Variants in MYH8 observed in about 807,000 individuals in gnomAD.
MYH8 encodes myosin heavy chain 8, also known as myosin-8.
A neutral mutation model predicts 233.2 loss-of-function variants in MYH8; 168 were observed. The ratio of observed to expected loss-of-function variants is 0.72; its 90% CI spans 0.64 to 0.82. The LOEUF is 0.82. Among genes scored for constraint, MYH8 ranks in the 40% least tolerant of loss-of-function variants. The pLI, the probability that MYH8 is intolerant of heterozygous loss-of-function variation, is 0.00. For missense variants in MYH8, 1,995 were observed against 2,327.8 expected (o/e 0.86, Z 2.94); for synonymous variants, 785 against 850.6 (o/e 0.92, Z 1.34).
chr17:10,392,285 CCAAACTAGGA>C (rs766452408), intron 38 of MYH8, among the ~76,000 whole-genome samples: 102 of 149,852 alleles, frequency 6.8e-4, no homozygotes, highest in Non-Finnish European at 1.1e-3. Context: ...GCAAGAGAGG[CCAAACTAGGA>C]CTAATACCCA....
At chr17:10,398,990 G>T in intron 28 of MYH8, 104 bp from the exon 29 acceptor site, 1 of 481,926 alleles carries the variant, frequency 2.1e-6, no homozygotes, top group Non-Finnish European at 3.5e-6. Flanking sequence ...ATATATGTGT[G>T]TGTGTATATA....
At chr17:10,398,663 A>G in intron 29 of MYH8, 23 bp from the exon 30 acceptor site, 3 of 1,614,204 alleles carry the variant, frequency 1.9e-6, no homozygotes, top group Non-Finnish European at 2.5e-6. Flanking sequence ...CAGTTCAGTG[A>G]CATAAATTCA....
intron 30 of MYH8, among the ~76,000 whole-genome samples, 181 bp from the exon 31 acceptor site, chr17:10,397,167 C>T (rs991695339): frequency 6.6e-6 from 1 of 152,170 alleles, no homozygotes; most frequent in African/African-American, 2.4e-5. Flanking sequence ...ACTGCGACCT[C>T]CCGGGTTCAA....
At chr17:10,403,799 A>AT (rs974281976) in intron 22 of MYH8, among the ~76,000 whole-genome samples, 1 of 152,150 alleles carries the variant, frequency 6.6e-6, no homozygotes, top group Non-Finnish European at 1.5e-5. Context: ...TCCTGCACCA[A>AT]TAAACAGACT....
At chr17:10,413,752 G>T in intron 12 of MYH8, 150 bp downstream of exon 12, 1 of 1,154,950 alleles carries the variant, frequency 8.7e-7, no homozygotes, top group Non-Finnish European at 1.3e-6. Context: ...GTAAGGAAGA[G>T]AGGGGGTGAG....
Position 10,400,710 on chromosome 17 carries a change from G to A in MYH8, c.3415C>T (p.Arg1139Cys). 1.2e-6 allele frequency: 2 copies of A among 1,614,134 alleles called. No individual in the cohort carries two copies. Residue 1139 changes from arginine to cysteine, a missense_variant, in exon 27 of 40, where the codon CGC becomes TGC. Around this residue, in one of 3 missense-constraint regions of MYH8, gnomAD observed 1,498 missense variants for 1,680.9 expected, o/e 0.89. Coordinates refer to ENST00000403437, the MANE Select transcript of MYH8 (RefSeq NM_002472.3). This position sits in a 1 kb window ranked among gnomAD's most constrained non-coding sequence, Gnocchi z 4.0. ...TCCAGTTCCCGGGAGAGGTCAGAGC[G>A]CTGCTTCTCCGCTTTGGCTCGGGAC... ...RASRAKAEKQ[R>C]SDLSRELEEI...
rs535699613 is a variant in MYH8, at chr17:10,414,927, C to T, written c.805+189G>A. The stretch of plus-strand genomic sequence containing the variant: ...ATTTCTCTAGGATGTGTTACAGAAT[C>T]ATCAAGTCTGAGATTGAGATAAAGG... On this transcript the variant is annotated intron_variant, in intron 9 of 39. Coordinates refer to ENST00000403437, the MANE Select transcript of MYH8 (RefSeq NM_002472.3). Among the ~76,000 whole-genome samples the T allele has an allele frequency of 1.2e-4, 19 of 152,286 alleles. No homozygotes were observed. The South Asian group carries it at 3.3e-3, about 27-fold the overall frequency.
chr17:10,396,662 G>T lies in MYH8; in HGVS notation c.4419C>A (p.Ser1473=). The T allele has an allele frequency of 1.2e-6, 2 of 1,614,126 alleles. No individual in the cohort carries two copies. The highest frequency in any genetic ancestry group is 1.7e-6 in the Non-Finnish European group (2 of 1,180,026). ...YEETQAELEA[S]QKESRSLSTE... The stretch of plus-strand genomic sequence containing the variant: ...TGCTAAGAGAACGTGACTCCTTCTG[G>T]GAGGCCTCAAGTTCAGCCTGAGTTT... Residue 1473 remains serine, a synonymous_variant, in exon 32 of 40, where the codon TCC becomes TCA. Transcript: ENST00000403437. This position sits in a 1 kb window ranked among gnomAD's most constrained non-coding sequence, Gnocchi z 4.2.
At position 10,417,873 on chromosome 17, in the gene MYH8, C is replaced by A. The variant is rs935586908; in HGVS notation, c.511+772G>T. Among the ~76,000 whole-genome samples the A allele has an allele frequency of 5.9e-5, 9 of 152,000 alleles. No individual in the cohort carries two copies. Among genetic ancestry groups the A allele is most frequent in the African/African-American group, 2.2e-4 (9 of 41,392 alleles). ...CAATTTAAAAACAAGTGCAAAAAAA[C>A]AAACCAAAAAGAAAGAAAAAACACC... On this transcript the variant is annotated intron_variant, in intron 5 of 39. Transcript: ENST00000403437. This position sits in a 1 kb window ranked among gnomAD's most constrained non-coding sequence, Gnocchi z 4.1.
In MYH8 at chr17:10,399,561, G is replaced by A. The variant is rs748488880; in HGVS notation, c.3844C>T (p.Arg1282Cys). Reference protein sequence around the residue: ...LINDLTAQRARLQTEAGEYSR... With the variant: ...LINDLTAQRACLQTEAGEYSR... ...TCTTTACCCGCTTCTGTCTGCAGGCGCGCTCTCTGTGCTGTGAGGTCATTG... is the reference window on the plus strand; with the variant it reads ...TCTTTACCCGCTTCTGTCTGCAGGCACGCTCTCTGTGCTGTGAGGTCATTG... The change falls in exon 28 of 40, where the codon CGC becomes TGC. Residue 1282 changes from arginine to cysteine, a missense_variant. By Grantham distance (180) the Arg-to-Cys change is radical (BLOSUM62 -3). Coordinates refer to ENST00000403437, the MANE Select transcript of MYH8 (RefSeq NM_002472.3). The A allele has an allele frequency of 3.5e-5, 57 of 1,613,666 alleles. 1 individual carries two copies. The East Asian group carries it at 1.1e-3, about 31-fold the overall frequency.
intron 19 of MYH8, 142 bp from the exon 20 acceptor site, chr17:10,406,539 A>C (rs1480423950): frequency 7.1e-7 from 1 of 1,401,398 alleles, no homozygotes; most frequent in East Asian, 2.3e-5. Flanking sequence ...CAGATAGTAA[A>C]ACAATATGAT....
At chr17:10,404,298 A>G (rs539290877) in intron 22 of MYH8, 32 bp downstream of exon 22, 1 of 1,613,670 alleles carries the variant, frequency 6.2e-7, no homozygotes, top group East Asian at 2.2e-5. Flanking sequence ...AAGCTTCAGT[A>G]ACATGGTGCA....
rs989420824 is a variant in MYH8, at chr17:10,392,452, T to C, written c.5568+90A>G. The C allele has an allele frequency of 6.9e-6, 8 of 1,165,224 alleles. No homozygotes were observed. In the Admixed American group the frequency reaches 1.4e-4, roughly 20 times the overall value. 72.2% of individuals were successfully genotyped at this position (1,165,224 alleles called of 1,614,324 possible). On this transcript the variant is annotated intron_variant, in intron 38 of 39. Coordinates refer to ENST00000403437, the MANE Select transcript of MYH8 (RefSeq NM_002472.3). ...ATGTACCAAGTTAATGCGTATTTGTTTGTGAGTGGCATATAAATAAATAGT... is the reference window on the plus strand; with the variant it reads ...ATGTACCAAGTTAATGCGTATTTGTCTGTGAGTGGCATATAAATAAATAGT...
chr17:10,399,059 G>A (rs1178435119), intron 28 of MYH8, among the ~76,000 whole-genome samples, 173 bp from the exon 29 acceptor site: 1 of 149,570 alleles, frequency 6.7e-6, no homozygotes, highest in Non-Finnish European at 1.5e-5. Context: ...GGGACCAGAA[G>A]TGTTTCAGAT....
At position 10,412,239 on chromosome 17, in the gene MYH8, G is replaced by A. The variant is rs72816707; in HGVS notation, c.1416+131C>T. The stretch of plus-strand genomic sequence containing the variant: ...ACATTATGTTACCTCCTATTTTGGA[G>A]ATAACCTTTGTTCTAGGTGCAGTGT... On this transcript the variant is annotated intron_variant, in intron 14 of 39. Transcript: ENST00000403437. The A allele has an allele frequency of 0.057, 89,140 of 1,562,714 alleles. 2,779 individuals carry two copies. Among genetic ancestry groups the A allele is most frequent in the East Asian group, 0.094 (4,172 of 44,382 alleles).
chr17:10,415,192 A>G lies in MYH8; in HGVS notation c.742-13T>C, dbSNP rs1047033302. The G allele has an allele frequency of 4.3e-6, 7 of 1,610,394 alleles. No homozygotes were observed. Among genetic ancestry groups the G allele is most frequent in the Non-Finnish European group, 5.9e-6 (7 of 1,176,658 alleles). On this transcript the variant is annotated splice_polypyrimidine_tract_variant and intron_variant, in intron 8 of 39. Coordinates refer to ENST00000403437, the MANE Select transcript of MYH8 (RefSeq NM_002472.3). This position sits in a 1 kb window ranked among gnomAD's most constrained non-coding sequence, Gnocchi z 4.1. ...TAATGAATTTACCCTTGAAAAGAAT[A>G]TTTAGTATTAGAAAACTGAAACACA...
Position 10,409,388 on chromosome 17 carries a change from C to T in MYH8, c.1788G>A (p.Trp596Ter), listed in dbSNP as rs2072224171. The change falls in exon 16 of 40, where the codon TGG becomes TGA. Residue 596 changes from tryptophan to a stop codon, truncating the protein, a stop_gained. Transcript: ENST00000403437. LOFTEE classifies it high-confidence loss of function. ...AGTVDYNITG[W>*]LDKNKDPLND... is the part of the protein sequence containing the mutation. ...TCAGGGGGTCCTTATTTTTGTCCAG[C>T]CAGCCAGTAATGTTGTAGTCCACAG... 1 of 1,614,180 alleles carries T rather than the reference C, an allele frequency of 6.2e-7. No homozygotes were observed. The highest frequency in any genetic ancestry group is 1.6e-4 in the Middle Eastern group (1 of 6,062).
Position 10,400,196 on chromosome 17 carries a change from C to T in MYH8, c.3735+194G>A, listed in dbSNP as rs996602123. 6.6e-6 allele frequency among the ~76,000 whole-genome samples: 1 copy of T among 152,082 alleles called. No homozygotes were observed. Among genetic ancestry groups the T allele is most frequent in the African/African-American group, 2.4e-5 (1 of 41,414 alleles). On this transcript the variant is annotated intron_variant, in intron 27 of 39. Coordinates refer to ENST00000403437, the MANE Select transcript of MYH8 (RefSeq NM_002472.3). The surrounding 1 kb of genome is among the most constrained non-coding windows in gnomAD (Gnocchi z 4.0). ...TCAGCCTGGGCGACAGAGTGAGACT[C>T]CATCCCCCCGCTCCAAAAAAAAATC...
intron 15 of MYH8, among the ~76,000 whole-genome samples, chr17:10,410,027 A>G (rs541643144): frequency 6.6e-6 from 1 of 152,344 alleles, no homozygotes; most frequent in Non-Finnish European, 1.5e-5. Flanking sequence ...TTATAGGCTG[A>G]GCACAGTGGC....
Sources: allele counts gnomAD v4.1 joint callset (sites outside exome capture counted in the v4.1 genomes callset), GRCh38; gene constraint gnomAD v4.1.1; regional missense constraint gnomAD v4.1.1; non-coding constraint Gnocchi (gnomAD v3.1); transcripts MANE v1.5; gene names NCBI Gene and HGNC (gene_info 2026-07-23, HGNC 2026-07-21).